The following WASHC4 variants were observed in gnomAD, a reference collection of about 807,000 sequenced individuals.
WASHC4 encodes WASH complex subunit 7.
A neutral mutation model predicts 166.6 loss-of-function variants in WASHC4; 86 were observed. The observed-to-expected ratio is 0.52, with a 90% CI of 0.43 to 0.62. The LOEUF is 0.62. Among genes scored for constraint, WASHC4 ranks in the 20% least tolerant of loss-of-function variants. The pLI, the probability that WASHC4 is intolerant of heterozygous loss-of-function variation, is 0.00. For missense variants in WASHC4, 1,262 were observed against 1,382.4 expected (o/e 0.91, Z 1.38); for synonymous variants, 446 against 451.6 (o/e 0.99, Z 0.16).
chr12:105,118,658 A>G (rs1880420631), intron 7 of WASHC4, 130 bp downstream of exon 7: 1 of 709,218 alleles, frequency 1.4e-6, no homozygotes, highest in South Asian at 1.5e-5. Flanking sequence ...TTCAAACACT[A>G]CTTGATGTGT....
chr12:105,157,182 C>A, intron 27 of WASHC4, 54 bp from the exon 28 acceptor site: 2 of 887,052 alleles, frequency 2.3e-6, no homozygotes, highest in South Asian at 1.3e-5. Flanking sequence ...ATATCTGTGT[C>A]AATTGCACAT....
At chr12:105,160,227 G>C (rs74631168) in intron 29 of WASHC4, 79 bp downstream of exon 29, 2 of 1,157,838 alleles carry the variant, frequency 1.7e-6, no homozygotes, top group Admixed American at 3.4e-5. Flanking sequence ...TTTGTAACAC[G>C]AAATGCATAC....
Position 105,127,062 on chromosome 12 carries a change from A to G in WASHC4, c.1039-67A>G. ...AGTTGTCTTCCATGTGTATTATAGAACTTTTAAACAGCTTGTTGTTTAGCC... is the reference window on the plus strand; with the variant it reads ...AGTTGTCTTCCATGTGTATTATAGAGCTTTTAAACAGCTTGTTGTTTAGCC... On this transcript the variant is annotated intron_variant, in intron 12 of 32. Coordinates refer to ENST00000332180, the MANE Select transcript of WASHC4 (RefSeq NM_015275.3). 2.2e-6 allele frequency: 3 copies of G among 1,356,264 alleles called. No homozygotes were observed. The South Asian group carries it at 3.5e-5, about 16-fold the overall frequency. 84.0% of individuals were successfully genotyped at this position (1,356,264 alleles called of 1,614,324 possible). A position where few individuals can be genotyped will look rare whatever the true frequency, so the allele number is the denominator to read the frequency against.
intron 32 of WASHC4, among the ~76,000 whole-genome samples, chr12:105,164,998 C>T (rs1481352401): frequency 2.0e-5 from 3 of 152,184 alleles, no homozygotes; most frequent in Non-Finnish European, 4.4e-5. Flanking sequence ...AATTTAAATA[C>T]ACTTTTCACA....
At chr12:105,141,372 C>A (rs1384482598) in intron 18 of WASHC4, 126 bp downstream of exon 18, 18 of 784,060 alleles carry the variant, frequency 2.3e-5, no homozygotes, top group Admixed American at 5.2e-5. Flanking sequence ...TCTGTAACTT[C>A]TTTAGCATGA....
chr12:105,139,084 G>A (rs910322115), intron 15 of WASHC4, among the ~76,000 whole-genome samples: 3 of 152,010 alleles, frequency 2.0e-5, no homozygotes, highest in African/African-American at 7.2e-5. Context: ...TGTTTTTGAA[G>A]TTTATATTAG....
intron 26 of WASHC4, among the ~76,000 whole-genome samples, chr12:105,155,486 G>A: frequency 0.011 from 1 of 88 alleles, no homozygotes; most frequent in East Asian, 0.5. Flanking sequence ...AGGGGTGCAA[G>A]ATCGATGTCA....
At chr12:105,127,522 A>G (rs1031223659) in intron 13 of WASHC4, among the ~76,000 whole-genome samples, 1 of 152,194 alleles carries the variant, frequency 6.6e-6, no homozygotes, top group African/African-American at 2.4e-5. Flanking sequence ...ACAAATGCGT[A>G]CATACATAGT....
chr12:105,143,457 A>G (rs1314805968), intron 20 of WASHC4, among the ~76,000 whole-genome samples: 1 of 152,020 alleles, frequency 6.6e-6, no homozygotes, highest in Admixed American at 6.6e-5. Context: ...GAGATTTTAA[A>G]TTTACTTTTG....
intron 5 of WASHC4, 35 bp downstream of exon 5, chr12:105,115,264 G>C (rs1880070140): frequency 1.5e-6 from 2 of 1,306,026 alleles, no homozygotes; most frequent in African/African-American, 2.9e-5. Flanking sequence ...ATGCCTTTTT[G>C]ATATTGAAAT....
intron 13 of WASHC4, among the ~76,000 whole-genome samples, chr12:105,132,156 A>C (rs965315167): frequency 6.6e-6 from 1 of 152,166 alleles, no homozygotes; most frequent in African/African-American, 2.4e-5. Flanking sequence ...CCATTTTTGC[A>C]TACTAAGTTT....
intron 10 of WASHC4, among the ~76,000 whole-genome samples, chr12:105,122,726 C>G (rs11112379): frequency 0.17 from 25,824 of 151,928 alleles, 2,457 homozygotes; most frequent in East Asian, 0.25. Flanking sequence ...TTATGGTGAT[C>G]AGTGGTTTCT....
At chr12:105,129,031 C>T (rs921170712) in intron 13 of WASHC4, among the ~76,000 whole-genome samples, 2 of 150,414 alleles carry the variant, frequency 1.3e-5, no homozygotes, top group African/African-American at 4.9e-5. Context: ...CTGCAACCTC[C>T]GCCTCCTGGG....
chr12:105,156,085 T>C (rs1884144446), intron 26 of WASHC4, among the ~76,000 whole-genome samples: 1 of 152,156 alleles, frequency 6.6e-6, no homozygotes, highest in African/African-American at 2.4e-5. Flanking sequence ...GCAAAGTCAA[T>C]ATAATTTGCC....
Position 105,133,904 on chromosome 12 carries a change from C to T in WASHC4, c.1326+8C>T, listed in dbSNP as rs1278332562. On this transcript the variant is annotated splice_region_variant and intron_variant, in intron 14 of 32. Coordinates refer to ENST00000332180, the MANE Select transcript of WASHC4 (RefSeq NM_015275.3). ...TGTAATGTTTTTATACAGGTAGTTG[C>T]ATCTTATTTCGGGGAATCATTTTTT... 1 of 1,609,416 alleles carries T rather than the reference C, an allele frequency of 6.2e-7. No individual in the cohort carries two copies. The highest frequency in any genetic ancestry group is 8.5e-7 in the Non-Finnish European group (1 of 1,177,346).
chr12:105,143,670 T>C (rs1162587387), intron 20 of WASHC4, among the ~76,000 whole-genome samples: 2 of 151,970 alleles, frequency 1.3e-5, no homozygotes, highest in Non-Finnish European at 2.9e-5. Flanking sequence ...ATCCAATATG[T>C]ATGCCCCTCC....
rs139265089 is a variant in WASHC4 at position 105,144,887 on chromosome 12, G to GT, written c.2334+23dup. Reference sequence around the variant, plus strand: ...CTTTGGAACAGGTATAGTATAAAATGTTTTTTTTAGCATACTGTGACTGTT... The same window carrying GT: ...CTTTGGAACAGGTATAGTATAAAATGTTTTTTTTTAGCATACTGTGACTGTT... On this transcript the variant is annotated intron_variant, in intron 22 of 32. Coordinates refer to ENST00000332180, the MANE Select transcript of WASHC4 (RefSeq NM_015275.3). The GT allele has an allele frequency of 0.11, 171,052 of 1,607,316 alleles. 9,937 individuals are homozygous for GT. The highest frequency in any genetic ancestry group is 0.25 in the East Asian group (11,070 of 44,572).
At chr12:105,162,598 CA>C (rs1884565582) in intron 29 of WASHC4, 150 bp from the exon 30 acceptor site, 1 of 574,046 alleles carries the variant, frequency 1.7e-6, no homozygotes, top group African/African-American at 1.9e-5. Context: ...GTACCTAAGG[CA>C]AATGTTTCAG....
chr12:105,160,089 G>T lies in WASHC4; in HGVS notation c.3001G>T (p.Glu1001Ter). ...FKMLVDVFAP[E>*]FRRPKNIHLR... ...AATGCTTGTAGACGTTTTTGCTCCA[G>T]AATTTCGAAGGCCAAAGAATATACA... Residue 1001 changes from glutamate (E) to a stop codon, truncating the protein, a stop_gained, in exon 29 of 33, where the codon GAA (glutamate) becomes TAA (stop). Transcript: ENST00000332180. LOFTEE classifies it high-confidence loss of function. 6.2e-7 allele frequency: 1 copy of T among 1,613,826 alleles called. No individual in the cohort carries two copies. The highest frequency in any genetic ancestry group is 8.5e-7 in the Non-Finnish European group (1 of 1,179,764).
Sources: gnomAD v4.1 joint callset for allele counts (sites outside exome capture counted in the v4.1 genomes callset) on GRCh38, gnomAD v4.1.1 for gene constraint, MANE v1.5 for transcripts, NCBI Gene and HGNC (gene_info 2026-07-23, HGNC 2026-07-21) for gene names.